Variants in PSD3 observed in about 807,000 individuals in gnomAD.
PSD3 encodes PH and SEC7 domain-containing protein 3.
PSD3 carries 49 observed loss-of-function variants against 105.5 expected under a neutral mutation model. The observed-to-expected ratio is 0.46, with a 90% CI of 0.37 to 0.59. PSD3 has a LOEUF of 0.59. PSD3 is among the 20% of genes least tolerant of loss of function. PSD3 has a pLI of 0.00. For missense variants in PSD3, 1,561 were observed against 1,263.8 expected (o/e 1.24, Z -3.57); for synonymous variants, 557 against 457.8 (o/e 1.22, Z -2.77).
intron 9 of PSD3, among the ~76,000 whole-genome samples, chr8:18,715,443 C>T (rs1237517857): frequency 6.6e-6 from 1 of 152,152 alleles, no homozygotes; most frequent in African/African-American, 2.4e-5. Context: ...CAATATTTTG[C>T]TATTCCTTGA....
intron 13 of PSD3, 104 bp downstream of exon 13, chr8:18,575,024 C>A: frequency 8.1e-7 from 1 of 1,240,646 alleles, no homozygotes; most frequent in South Asian, 2.0e-5. Flanking sequence ...GACTTTGATT[C>A]CAACTCAAAA....
At chr8:18,992,920 C>T (rs773282245) in intron 1 of PSD3, among the ~76,000 whole-genome samples, 9 of 152,090 alleles carry the variant, frequency 5.9e-5, no homozygotes, top group Admixed American at 4.6e-4. Context: ...ATTGACAAAA[C>T]AACTCAATAA....
At chr8:19,078,062 G>T (rs1225312072) in intron 1 of PSD3, among the ~76,000 whole-genome samples, 1 of 151,966 alleles carries the variant, frequency 6.6e-6, no homozygotes, top group Non-Finnish European at 1.5e-5. Flanking sequence ...ACACAGTCTT[G>T]CTCCGTTGCC....
chr8:18,546,807 C>A lies in PSD3; in HGVS notation c.2928+9402G>T, dbSNP rs572602635. ...ATTTCCCTCCAACCCCCACCTCAACCCCTGATGACCACCATTCTACCCTCT... is the reference window on the plus strand; with the variant it reads ...ATTTCCCTCCAACCCCCACCTCAACACCTGATGACCACCATTCTACCCTCT... On this transcript the variant is annotated intron_variant, in intron 15 of 15. Coordinates refer to ENST00000327040, the MANE Select transcript of PSD3 (RefSeq NM_015310.4). Among the ~76,000 whole-genome samples, 4 of 152,280 alleles carry A rather than the reference C, an allele frequency of 2.6e-5. No individual in the cohort carries two copies. In the South Asian group the frequency reaches 8.3e-4, roughly 32 times the overall value.
chr8:18,745,041 TCTC>T (rs1804895828), intron 9 of PSD3, among the ~76,000 whole-genome samples: 1 of 152,212 alleles, frequency 6.6e-6, no homozygotes, highest in African/African-American at 2.4e-5. Flanking sequence ...GATGTTATCT[TCTC>T]CTTTAGAGCA....
At chr8:18,629,413 T>C (rs555236731) in intron 11 of PSD3, among the ~76,000 whole-genome samples, 2 of 152,136 alleles carry the variant, frequency 1.3e-5, no homozygotes, top group Admixed American at 6.6e-5. Flanking sequence ...TGAATGTCCA[T>C]AGGGGCTTTA....
chr8:18,819,967 CT>C (rs1437408610), intron 4 of PSD3, among the ~76,000 whole-genome samples: 1 of 152,178 alleles, frequency 6.6e-6, no homozygotes, highest in Non-Finnish European at 1.5e-5. Context: ...CAAAATTATA[CT>C]GTTGGTTTAA....
intron 9 of PSD3, among the ~76,000 whole-genome samples, chr8:18,694,750 C>T (rs1021474902): frequency 1.3e-5 from 2 of 151,430 alleles, no homozygotes; most frequent in Non-Finnish European, 2.9e-5. Flanking sequence ...CCAAGACAGG[C>T]GGATCACTTG....
At chr8:18,558,050 A>G (rs1275478885) in intron 14 of PSD3, among the ~76,000 whole-genome samples, 2 of 152,224 alleles carry the variant, frequency 1.3e-5, no homozygotes, top group Non-Finnish European at 2.9e-5. Flanking sequence ...GTGGCCATCC[A>G]CAGCCCTAGG....
intron 12 of PSD3, among the ~76,000 whole-genome samples, chr8:18,582,787 GTCA>G (rs1802899791): frequency 6.8e-6 from 1 of 146,742 alleles, no homozygotes; most frequent in African/African-American, 2.6e-5. Flanking sequence ...CTGTTTCCAA[GTCA>G]TTCTCCAACC....
intron 1 of PSD3, among the ~76,000 whole-genome samples, chr8:18,974,672 C>CAA (rs142184048): frequency 4.2e-4 from 55 of 130,526 alleles, no homozygotes; most frequent in East Asian, 1.4e-3. Context: ...CACATCAAGT[C>CAA]AAAAAAAAAA....
At chr8:18,633,986 G>A (rs193237526) in intron 10 of PSD3, among the ~76,000 whole-genome samples, 1 of 152,014 alleles carries the variant, frequency 6.6e-6, no homozygotes, top group Admixed American at 6.6e-5. Context: ...GTATCTCATT[G>A]TGGTTTTGAT....
chr8:18,680,726 G>T (rs1385213312), intron 9 of PSD3, among the ~76,000 whole-genome samples: 3 of 152,068 alleles, frequency 2.0e-5, no homozygotes, highest in African/African-American at 7.2e-5. Context: ...CGGAGAAGGG[G>T]GTTTTAAAGA....
chr8:18,552,057 C>T (rs1225066584), intron 15 of PSD3, among the ~76,000 whole-genome samples: 1 of 152,170 alleles, frequency 6.6e-6, no homozygotes, highest in Non-Finnish European at 1.5e-5. Flanking sequence ...AAAACAAATA[C>T]AGTATTATGT....
intron 4 of PSD3, among the ~76,000 whole-genome samples, chr8:18,860,235 G>A (rs545310510): frequency 2.0e-5 from 3 of 152,006 alleles, no homozygotes; most frequent in Admixed American, 6.6e-5. Context: ...GGTTTGCCAC[G>A]TTATATGGGC....
At chr8:18,621,754 C>G (rs938520806) in intron 11 of PSD3, among the ~76,000 whole-genome samples, 17 of 152,256 alleles carry the variant, frequency 1.1e-4, no homozygotes, top group African/African-American at 3.4e-4. Context: ...AAAACCTTAG[C>G]CTAGTTTTAA....
At chr8:18,613,682 TG>T (rs1174696681) in intron 11 of PSD3, among the ~76,000 whole-genome samples, 1 of 152,180 alleles carries the variant, frequency 6.6e-6, no homozygotes, top group Admixed American at 6.5e-5. Context: ...TCTGCTCAAA[TG>T]TTATCTGTGA....
intron 1 of PSD3, among the ~76,000 whole-genome samples, chr8:19,004,285 C>A (rs1477797383): frequency 1.3e-5 from 2 of 151,994 alleles, no homozygotes; most frequent in Non-Finnish European, 2.9e-5. Context: ...TGGTCCCTCT[C>A]AAATAGCTCA....
chr8:18,931,130 T>C (rs1821723329), intron 2 of PSD3, among the ~76,000 whole-genome samples: 1 of 152,228 alleles, frequency 6.6e-6, no homozygotes, highest in Non-Finnish European at 1.5e-5. Flanking sequence ...CCATTTTTTT[T>C]TCCCTTAGGG....
Sources: gnomAD v4.1 joint callset for allele counts (sites outside exome capture counted in the v4.1 genomes callset) on GRCh38, gnomAD v4.1.1 for gene constraint, MANE v1.5 for transcripts, NCBI Gene and HGNC (gene_info 2026-07-23, HGNC 2026-07-21) for gene names.